Variants in HFM1 observed in about 807,000 individuals in gnomAD.
The protein encoded by HFM1 is helicase for meiosis 1, also known as probable ATP-dependent DNA helicase HFM1.
HFM1 carries 169 observed loss-of-function variants against 192.1 expected under a neutral mutation model. The ratio of observed to expected loss-of-function variants is 0.88; its 90% confidence interval spans 0.78 to 1.00. The LOEUF (loss-of-function observed/expected upper bound fraction) is 1.00. Ranked by LOEUF, HFM1 falls within the 50% of genes least tolerant of loss-of-function variation. The pLI is 0.00. For missense variants in HFM1, 1,661 were observed against 1,668.0 expected, an observed-to-expected ratio of 1.00 and a Z score of 0.07; for synonymous variants, 525 against 537.8, an observed-to-expected ratio of 0.98 and a Z score of 0.33.
intron 20 of HFM1, among the ~76,000 whole-genome samples, chr1:91,340,357 G>A (rs1483441792): frequency 6.6e-6 from 1 of 152,084 alleles, no homozygotes; most frequent in East Asian, 1.9e-4. Flanking sequence ...TTCATATCCA[G>A]CCAAAATAAG....
In HFM1 at chr1:91,274,748, G is replaced by T. The variant is rs1557761175; in HGVS notation, c.3650C>A (p.Ser1217Tyr). The change falls in exon 33 of 39, where the codon TCC becomes TAC. Residue 1217 changes from serine (S) to tyrosine (Y), a missense_variant. Coordinates refer to ENST00000370425, the MANE Select transcript of HFM1 (RefSeq NM_001017975.6). ...TTTGTACCTTGATATACTAGGAAGG[G>T]AAGGTTTTGGAGTAAAACCAAACTC... Reference protein sequence around the residue: ...LKEFGFTPKPSLPSISRSEYL... With the variant: ...LKEFGFTPKPYLPSISRSEYL... 6.5e-7 allele frequency: 1 copy of T among 1,538,472 alleles called. No individual in the cohort carries two copies.
At chr1:91,355,591 T>G (rs1657615038) in intron 13 of HFM1, among the ~76,000 whole-genome samples, 1 of 152,104 alleles carries the variant, frequency 6.6e-6, no homozygotes, top group African/African-American at 2.4e-5. Context: ...TAAAATGACT[T>G]TAAGTCAAAA....
At chr1:91,345,379 C>G (rs188153) in intron 19 of HFM1, among the ~76,000 whole-genome samples, 152,149 of 152,334 alleles carry the variant, frequency 1, 75,982 homozygotes, top group East Asian at 1. Context: ...ATAAAAGAGA[C>G]AGAAAGTGAT....
chr1:91,297,851 C>T (rs548856965), intron 30 of HFM1, among the ~76,000 whole-genome samples: 1 of 152,122 alleles, frequency 6.6e-6, no homozygotes, highest in African/African-American at 2.4e-5. Flanking sequence ...AAAAACAGAG[C>T]AGAAAAACTG....
chr1:91,355,029 A>C (rs1253029322), intron 13 of HFM1, among the ~76,000 whole-genome samples: 2 of 152,158 alleles, frequency 1.3e-5, no homozygotes, highest in African/African-American at 4.8e-5. Context: ...ATACAGCTAC[A>C]ATGAGTTGTT....
At chr1:91,283,965 T>C (rs1336752224) in intron 30 of HFM1, among the ~76,000 whole-genome samples, 3 of 152,104 alleles carry the variant, frequency 2.0e-5, no homozygotes, top group Non-Finnish European at 2.9e-5. Flanking sequence ...TAATCATAGA[T>C]TTATGCAATT....
chr1:91,336,811 T>C (rs1024902445), intron 20 of HFM1, among the ~76,000 whole-genome samples: 1 of 152,102 alleles, frequency 6.6e-6, no homozygotes, highest in East Asian at 1.9e-4. Context: ...ATTCACAATA[T>C]CAAAGACATG....
chr1:91,394,018 A>G lies in HFM1; in HGVS notation c.494+75T>C, dbSNP rs923655697. 4 of 816,320 alleles carry G rather than the reference A, an allele frequency of 4.9e-6. No homozygotes were observed. The African/African-American group carries it at 7.0e-5, about 14-fold the overall frequency. 50.6% of individuals were successfully genotyped at this position (816,320 alleles called of 1,614,324 possible). On this transcript the variant is annotated intron_variant, in intron 4 of 38. Transcript: ENST00000370425. ...CTGTTTTTCTCATTCACATTGTACC[A>G]TATTTAATACTTTTATATGTACAAA... is the stretch of plus-strand genomic sequence containing the variant.
intron 30 of HFM1, among the ~76,000 whole-genome samples, chr1:91,307,294 A>G (rs1261924011): frequency 6.6e-6 from 1 of 152,232 alleles, no homozygotes; most frequent in East Asian, 1.9e-4. Context: ...ATTTCCACAT[A>G]TATTTTAAAC....
chr1:91,281,232 T>C (rs557945320), intron 30 of HFM1, among the ~76,000 whole-genome samples: 2 of 152,260 alleles, frequency 1.3e-5, no homozygotes, highest in South Asian at 4.1e-4. Context: ...ATACAGAAGG[T>C]AAAAATATTT....
At chr1:91,385,456 G>T in intron 5 of HFM1, 119 bp downstream of exon 5, 2 of 858,194 alleles carry the variant, frequency 2.3e-6, no homozygotes, top group Non-Finnish European at 3.6e-6. Context: ...ATAAAAAAAT[G>T]CAGAAATTGC....
At chr1:91,279,144 T>C (rs1197488122) in intron 30 of HFM1, among the ~76,000 whole-genome samples, 3 of 152,186 alleles carry the variant, frequency 2.0e-5, no homozygotes, top group Admixed American at 6.5e-5. Context: ...AATAAGATTC[T>C]GAAATCCTAT....
At chr1:91,331,087 T>G (rs1187585604) in intron 20 of HFM1, among the ~76,000 whole-genome samples, 1 of 152,208 alleles carries the variant, frequency 6.6e-6, no homozygotes, top group Non-Finnish European at 1.5e-5. Flanking sequence ...ATGCCCACTT[T>G]CACCACTGTT....
chr1:91,368,204 C>T (rs4512702), intron 13 of HFM1, among the ~76,000 whole-genome samples: 4 of 152,026 alleles, frequency 2.6e-5, no homozygotes, highest in African/African-American at 4.8e-5. Flanking sequence ...CTTCTCCAAT[C>T]TAGCAAGGCA....
At chr1:91,396,188 T>C (rs1197295700) in intron 3 of HFM1, 105 bp downstream of exon 3, 11 of 500,150 alleles carry the variant, frequency 2.2e-5, no homozygotes, top group Non-Finnish European at 3.6e-6. Flanking sequence ...TGCATTATTT[T>C]GATACATGTA....
At chr1:91,345,563 C>T (rs139150864) in intron 19 of HFM1, among the ~76,000 whole-genome samples, 4 of 152,248 alleles carry the variant, frequency 2.6e-5, no homozygotes. Context: ...TCCTTCCTGA[C>T]AGATTTAAGG....
intron 13 of HFM1, among the ~76,000 whole-genome samples, chr1:91,361,483 C>A (rs1658514736): frequency 6.6e-6 from 1 of 152,152 alleles, no homozygotes; most frequent in South Asian, 2.1e-4. Context: ...GACACACACT[C>A]TCTTCCAAGA....
At chr1:91,296,936 C>T (rs991325791) in intron 30 of HFM1, among the ~76,000 whole-genome samples, 1 of 152,144 alleles carries the variant, frequency 6.6e-6, no homozygotes, top group Non-Finnish European at 1.5e-5. Context: ...GAATGTCAGA[C>T]AGTGGGTGCA....
chr1:91,360,837 C>G (rs973920275), intron 13 of HFM1, among the ~76,000 whole-genome samples: 7 of 152,226 alleles, frequency 4.6e-5, no homozygotes, highest in African/African-American at 1.7e-4. Flanking sequence ...GAAATCATAA[C>G]AAACAGTCTC....
Sources: gnomAD v4.1 joint callset for allele counts (sites outside exome capture counted in the v4.1 genomes callset) on GRCh38, gnomAD v4.1.1 for gene constraint, MANE v1.5 for transcripts, NCBI Gene and HGNC (gene_info 2026-07-23, HGNC 2026-07-21) for gene names.